Variants in GLCCI1 observed in about 807,000 individuals in gnomAD.
The protein encoded by GLCCI1 is glucocorticoid-induced transcript 1 protein.
GLCCI1 carries 24 observed loss-of-function variants against 52.2 expected under a neutral mutation model. The ratio of observed to expected loss-of-function variants is 0.46; its 90% CI spans 0.33 to 0.65. The LOEUF is 0.65. Ranked by LOEUF, GLCCI1 falls within the 30% of genes least tolerant of loss-of-function variation. The pLI is 0.02. For synonymous variants in GLCCI1, 310 were observed against 276.5 expected (o/e 1.12, Z -1.20); for missense variants, 704 against 701.5 (o/e 1.00, Z -0.04).
intron 5 of GLCCI1, among the ~76,000 whole-genome samples, chr7:8,067,901 G>A (rs1782667262): frequency 6.6e-6 from 1 of 152,182 alleles, no homozygotes; most frequent in Admixed American, 6.5e-5. Flanking sequence ...GGCCTCTTTA[G>A]TGTGGGTGGG....
chr7:8,063,770 C>T (rs1261320214), intron 5 of GLCCI1, among the ~76,000 whole-genome samples: 3 of 151,586 alleles, frequency 2.0e-5, no homozygotes, highest in Non-Finnish European at 2.9e-5. Flanking sequence ...AGTCCTGTCC[C>T]ACCACAGCCA....
At chr7:8,057,482 A>G (rs922245178) in intron 4 of GLCCI1, among the ~76,000 whole-genome samples, 3 of 152,216 alleles carry the variant, frequency 2.0e-5, no homozygotes, top group Admixed American at 2.0e-4. Context: ...TTGTTATATT[A>G]AATTCTCAAA....
chr7:7,989,325 T>C (rs1780795654), intron 1 of GLCCI1, among the ~76,000 whole-genome samples: 1 of 152,154 alleles, frequency 6.6e-6, no homozygotes, highest in African/African-American at 2.4e-5. Flanking sequence ...TTGGCAAGTA[T>C]GGTTAATTTG....
intron 2 of GLCCI1, among the ~76,000 whole-genome samples, chr7:8,015,955 G>T (rs1221196242): frequency 6.6e-6 from 1 of 152,008 alleles, no homozygotes; most frequent in African/African-American, 2.4e-5. Flanking sequence ...TCATGCCTTT[G>T]CCCCTAAGCA....
chr7:7,970,128 C>T (rs554990358), intron 1 of GLCCI1, among the ~76,000 whole-genome samples: 1 of 152,314 alleles, frequency 6.6e-6, no homozygotes, highest in African/African-American at 2.4e-5. Context: ...GGGCGAAACA[C>T]TTAACACGCA....
intron 1 of GLCCI1, among the ~76,000 whole-genome samples, chr7:7,977,563 T>C (rs1240212549): frequency 1.3e-5 from 2 of 152,222 alleles, no homozygotes; most frequent in African/African-American, 4.8e-5. Context: ...AAACCTGAGT[T>C]CTCTTTTCAG....
intron 6 of GLCCI1, among the ~76,000 whole-genome samples, chr7:8,081,157 T>C (rs1350777950): frequency 3.3e-5 from 5 of 152,174 alleles, no homozygotes; most frequent in Admixed American, 6.5e-5. Flanking sequence ...TTTTCAGATA[T>C]GGCTGTGCTT....
At chr7:8,068,591 G>C (rs893969652) in intron 5 of GLCCI1, among the ~76,000 whole-genome samples, 1 of 152,088 alleles carries the variant, frequency 6.6e-6, no homozygotes, top group Non-Finnish European at 1.5e-5. Context: ...GCTTTCTTCT[G>C]AATCTTGATG....
intron 3 of GLCCI1, among the ~76,000 whole-genome samples, chr7:8,045,087 A>G (rs1450084061): frequency 6.6e-6 from 1 of 152,222 alleles, no homozygotes; most frequent in African/African-American, 2.4e-5. Context: ...CTAGATAAAG[A>G]CCAAAAAACT....
chr7:7,999,556 A>C (rs574562490), intron 1 of GLCCI1, among the ~76,000 whole-genome samples: 5 of 151,606 alleles, frequency 3.3e-5, no homozygotes, highest in African/African-American at 9.7e-5. Flanking sequence ...GCAGTGAGCT[A>C]CGATCACGCC....
At chr7:7,992,293 C>G (rs146766558) in intron 1 of GLCCI1, among the ~76,000 whole-genome samples, 75 of 151,922 alleles carry the variant, frequency 4.9e-4, no homozygotes, top group African/African-American at 1.7e-3. Context: ...GAAGACTTGC[C>G]CATAGAGATA....
intron 1 of GLCCI1, among the ~76,000 whole-genome samples, chr7:7,999,429 G>A (rs73049297): frequency 0.037 from 5,577 of 152,102 alleles, 143 homozygotes; most frequent in Non-Finnish European, 0.057. Context: ...GCAACACAGC[G>A]AGACCCCATC....
intron 2 of GLCCI1, among the ~76,000 whole-genome samples, chr7:8,007,892 T>C (rs919671166): frequency 3.9e-5 from 6 of 152,192 alleles, no homozygotes; most frequent in Non-Finnish European, 8.8e-5. Context: ...TGGAACCAGA[T>C]CATGTATTCA....
intron 3 of GLCCI1, among the ~76,000 whole-genome samples, chr7:8,029,578 A>C (rs1184860440): frequency 6.6e-6 from 1 of 152,206 alleles, no homozygotes; most frequent in African/African-American, 2.4e-5. Flanking sequence ...ATCATAAAAG[A>C]GAAAGAAATA....
chr7:8,012,627 A>C (rs1781291072), intron 2 of GLCCI1, among the ~76,000 whole-genome samples: 1 of 150,478 alleles, frequency 6.6e-6, no homozygotes, highest in Non-Finnish European at 1.5e-5. Flanking sequence ...TGTATTTTTT[A>C]GTAGAGACGG....
chr7:7,990,317 G>A (rs1387581256), intron 1 of GLCCI1, among the ~76,000 whole-genome samples: 2 of 152,130 alleles, frequency 1.3e-5, no homozygotes, highest in African/African-American at 4.8e-5. Context: ...CTTTGTGACT[G>A]TAGTCTGTAT....
intron 3 of GLCCI1, among the ~76,000 whole-genome samples, chr7:8,043,498 A>G (rs1782049207): frequency 6.6e-6 from 1 of 152,216 alleles, no homozygotes; most frequent in Non-Finnish European, 1.5e-5. Context: ...ATATGATTAT[A>G]GTTTTATCAA....
At chr7:7,982,068 C>G (rs1780634266) in intron 1 of GLCCI1, 1 of 468,828 alleles carries the variant, frequency 2.1e-6, no homozygotes, top group Non-Finnish European at 4.2e-6. Context: ...AGAGACCGAA[C>G]TCAGAACTGA....
Position 8,071,117 on chromosome 7 carries a change from A to G in GLCCI1, c.1163A>G (p.Tyr388Cys), listed in dbSNP as rs757877476. The change falls in exon 6 of 8, where the codon TAT (tyrosine) becomes TGT (cysteine). Residue 388 changes from tyrosine (Y) to cysteine (C), a missense_variant. Tyr to Cys is a radical substitution (Grantham distance 194, BLOSUM62 -2). Around this residue, in one of 3 missense-constraint regions of GLCCI1, gnomAD observed 547 missense variants for 524.8 expected, o/e 1.04. Transcript: ENST00000223145. ...GSPCSTEDLL[Y>C]DRDKDSGSSS... ...CCTTGCTCAACAGAAGATTTGCTCT[A>G]TGATCGTGATAAAGGTAAGAATGGA... 1.4e-5 allele frequency: 22 copies of G among 1,613,792 alleles called. No individual in the cohort carries two copies. In the African/African-American group the frequency reaches 1.5e-4, roughly 11 times the overall value.
Sources: allele counts gnomAD v4.1 joint callset (sites outside exome capture counted in the v4.1 genomes callset), GRCh38; gene constraint gnomAD v4.1.1; regional missense constraint gnomAD v4.1.1; transcripts MANE v1.5; gene names NCBI Gene and HGNC (gene_info 2026-07-23, HGNC 2026-07-21).